The following TRIP12 variants were observed in gnomAD, a reference collection of about 807,000 sequenced individuals.
TRIP12 encodes thyroid hormone receptor interactor 12, also known as E3 ubiquitin-protein ligase TRIP12.
In TRIP12, 25 loss-of-function variants were observed where a neutral mutation model predicts 244.2. The observed-to-expected ratio is 0.10, with a 90% CI of 0.07 to 0.14. The LOEUF (loss-of-function observed/expected upper bound fraction) is 0.14, where lower values mean the gene tolerates loss of function less well. Among genes scored for constraint, TRIP12 ranks in the 10% least tolerant of loss-of-function variants. The pLI is 1.00. For missense variants in TRIP12, 1,677 were observed against 2,486.4 expected (o/e 0.67, Z 6.92); for synonymous variants, 905 against 873.1 (o/e 1.04, Z -0.64).
chr2:229,864,400 A>G (rs2061135478), intron 2 of TRIP12, among the ~76,000 whole-genome samples: 1 of 152,202 alleles, frequency 6.6e-6, no homozygotes, highest in Admixed American at 6.5e-5. Flanking sequence ...AATTAAAAAT[A>G]TAATTATTCT....
At chr2:229,793,551 T>G (rs1339832993) in intron 26 of TRIP12, among the ~76,000 whole-genome samples, 2 of 152,014 alleles carry the variant, frequency 1.3e-5, no homozygotes, top group Non-Finnish European at 2.9e-5. Flanking sequence ...AAAAAACTCT[T>G]TATTTCAAAG....
intron 39 of TRIP12, among the ~76,000 whole-genome samples, chr2:229,770,383 T>C (rs115286870): frequency 0.019 from 2,871 of 152,312 alleles, 95 homozygotes; most frequent in African/African-American, 0.066. Context: ...ACCATGATTC[T>C]ATTCCAGGTG....
rs1472998747 is a variant in TRIP12 at position 229,799,394 on chromosome 2, GA to G, written c.3207-12del. 1.9e-6 allele frequency: 3 copies of G among 1,610,708 alleles called. No homozygotes were observed. Among genetic ancestry groups the G allele is most frequent in the East Asian group, 2.2e-5 (1 of 44,864 alleles). On this transcript the variant is annotated splice_polypyrimidine_tract_variant and intron_variant, in intron 21 of 41. Coordinates refer to ENST00000675903, the MANE Select transcript of TRIP12 (RefSeq NM_001348323.3). ...ACATCACTTAATCGACTGTCCATGGGAAAATATGAGATAAGTTTAGCAATTA... is the reference window on the plus strand; with the variant it reads ...ACATCACTTAATCGACTGTCCATGGGAAATATGAGATAAGTTTAGCAATTA...
chr2:229,854,236 C>T (rs2059228550), intron 4 of TRIP12, among the ~76,000 whole-genome samples: 1 of 152,092 alleles, frequency 6.6e-6, no homozygotes, highest in Non-Finnish European at 1.5e-5. Flanking sequence ...TCTATGTCCA[C>T]GTGTATACAT....
intron 38 of TRIP12, among the ~76,000 whole-genome samples, chr2:229,772,598 G>A (rs1308546533): frequency 6.6e-6 from 1 of 152,080 alleles, no homozygotes; most frequent in Admixed American, 6.5e-5. Context: ...CGAGTAGCTG[G>A]GACTACAGGC....
intron 4 of TRIP12, among the ~76,000 whole-genome samples, chr2:229,843,996 A>T (rs1374219629): frequency 2.6e-5 from 4 of 152,220 alleles, no homozygotes; most frequent in African/African-American, 4.8e-5. Flanking sequence ...TCAAGGTTTC[A>T]GTCTTTCAAA....
intron 6 of TRIP12, 31 bp from the exon 7 acceptor site, chr2:229,830,870 G>A (rs377297235): frequency 1.4e-4 from 220 of 1,606,906 alleles, no homozygotes; most frequent in Non-Finnish European, 1.8e-4. Context: ...TGAGGGTTAG[G>A]AGGAGCACTT....
intron 1 of TRIP12, among the ~76,000 whole-genome samples, chr2:229,914,454 C>CA (rs1173312153): frequency 1.3e-5 from 2 of 151,838 alleles, no homozygotes; most frequent in African/African-American, 4.8e-5. Context: ...TTTTGAGAAT[C>CA]AAAAAAAGTA....
chr2:229,783,893 C>G (rs1209112490), intron 34 of TRIP12, among the ~76,000 whole-genome samples: 1 of 151,142 alleles, frequency 6.6e-6, no homozygotes, highest in Non-Finnish European at 1.5e-5. Context: ...GGTGGATCAC[C>G]TGAGGTCAGG....
intron 2 of TRIP12, among the ~76,000 whole-genome samples, chr2:229,872,803 T>A (rs1347778545): frequency 5.3e-5 from 8 of 152,208 alleles, no homozygotes; most frequent in Admixed American, 5.2e-4. Context: ...AAGACTCAAG[T>A]CTACTTTCCT....
intron 37 of TRIP12, among the ~76,000 whole-genome samples, chr2:229,776,432 A>T (rs1205753128): frequency 6.6e-6 from 1 of 152,192 alleles, no homozygotes; most frequent in Non-Finnish European, 1.5e-5. Context: ...TTTGAATACC[A>T]ATTTCTCTTA....
chr2:229,781,937 T>C (rs2038308611), intron 34 of TRIP12, among the ~76,000 whole-genome samples: 1 of 152,160 alleles, frequency 6.6e-6, no homozygotes, highest in Non-Finnish European at 1.5e-5. Context: ...ATCTTGACCT[T>C]ACATTAGCAA....
At chr2:229,819,189 G>C (rs1478452873) in intron 8 of TRIP12, among the ~76,000 whole-genome samples, 2 of 152,024 alleles carry the variant, frequency 1.3e-5, no homozygotes, top group Non-Finnish European at 2.9e-5. Context: ...ATTGAAAAAT[G>C]TGAATACTCA....
intron 8 of TRIP12, among the ~76,000 whole-genome samples, 154 bp from the exon 9 acceptor site, chr2:229,818,666 T>C (rs1195252611): frequency 6.6e-6 from 1 of 152,242 alleles, no homozygotes; most frequent in Admixed American, 6.5e-5. Context: ...GCTAATACAT[T>C]GAAGGAAGAA....
At chr2:229,826,062 A>G (rs1368173094) in intron 8 of TRIP12, among the ~76,000 whole-genome samples, 1 of 152,242 alleles carries the variant, frequency 6.6e-6, no homozygotes, top group Non-Finnish European at 1.5e-5. Context: ...TTAACCAGTA[A>G]AGAGTGAAAA....
chr2:229,871,462 A>G (rs564605548), intron 2 of TRIP12, among the ~76,000 whole-genome samples: 1 of 152,250 alleles, frequency 6.6e-6, no homozygotes, highest in Admixed American at 6.5e-5. Flanking sequence ...GGGTGAATGA[A>G]TTCTTGCTCT....
At chr2:229,853,726 C>T (rs2059134477) in intron 4 of TRIP12, among the ~76,000 whole-genome samples, 1 of 152,124 alleles carries the variant, frequency 6.6e-6, no homozygotes, top group African/African-American at 2.4e-5. Context: ...CTCAATTCAA[C>T]ATTACATGGT....
chr2:229,822,064 C>T (rs1053352577), intron 8 of TRIP12, among the ~76,000 whole-genome samples: 1 of 152,154 alleles, frequency 6.6e-6, no homozygotes, highest in African/African-American at 2.4e-5. Context: ...CACTTGAACT[C>T]GGGAGGCAGA....
intron 1 of TRIP12, among the ~76,000 whole-genome samples, chr2:229,914,922 T>G (rs866782114): frequency 4.6e-5 from 7 of 152,190 alleles, no homozygotes; most frequent in Non-Finnish European, 7.3e-5. Context: ...TGATGTATAC[T>G]ATTATAAATT....
Sources: allele counts gnomAD v4.1 joint callset (sites outside exome capture counted in the v4.1 genomes callset), GRCh38; gene constraint gnomAD v4.1.1; transcripts MANE v1.5; gene names NCBI Gene and HGNC (gene_info 2026-07-23, HGNC 2026-07-21).